The following CNTN4 variants were observed in gnomAD, a reference collection of about 807,000 sequenced individuals.
CNTN4 encodes the protein contactin-4.
A neutral mutation model predicts 122.5 loss-of-function variants in CNTN4; 77 were observed. That is an observed-to-expected ratio of 0.63 (90% CI 0.52 to 0.76). The LOEUF is 0.76. Ranked by LOEUF, CNTN4 falls within the 30% of genes least tolerant of loss-of-function variation. The pLI is 0.00. For missense variants in CNTN4, 1,256 were observed against 1,259.1 expected (o/e 1.00, Z 0.04); for synonymous variants, 512 against 447.0 (o/e 1.15, Z -1.83).
chr3:2,604,674 T>G (rs2081185598), intron 4 of CNTN4, among the ~76,000 whole-genome samples: 1 of 152,208 alleles, frequency 6.6e-6, no homozygotes, highest in Admixed American at 6.5e-5. Flanking sequence ...TTTTTTAAAC[T>G]ACTTTATTGA....
chr3:2,769,109 G>A (rs924209370), intron 6 of CNTN4, among the ~76,000 whole-genome samples: 5 of 152,082 alleles, frequency 3.3e-5, no homozygotes, highest in African/African-American at 1.2e-4. Context: ...TTCAAATGCT[G>A]GTTCCCAAAA....
chr3:2,741,228 G>A (rs1249335820), intron 5 of CNTN4, among the ~76,000 whole-genome samples: 1 of 152,208 alleles, frequency 6.6e-6, no homozygotes, highest in African/African-American at 2.4e-5. Flanking sequence ...CGTAGTTGGA[G>A]TAGAATGATG....
At chr3:2,591,231 T>G (rs894987823) in intron 4 of CNTN4, among the ~76,000 whole-genome samples, 1 of 152,178 alleles carries the variant, frequency 6.6e-6, no homozygotes, top group African/African-American at 2.4e-5. Context: ...GTTCAATAAA[T>G]TTTTGAATAT....
intron 4 of CNTN4, among the ~76,000 whole-genome samples, chr3:2,673,862 C>G (rs889716936): frequency 1.3e-5 from 2 of 152,086 alleles, no homozygotes; most frequent in African/African-American, 4.8e-5. Context: ...TTTTAAGAGG[C>G]CTTGCAGCTT....
intron 13 of CNTN4, among the ~76,000 whole-genome samples, chr3:2,943,180 T>A (rs923547526): frequency 2.1e-5 from 3 of 145,212 alleles, no homozygotes; most frequent in Non-Finnish European, 3.0e-5. Context: ...AGCAGGAGAA[T>A]CATTTAGCTC....
chr3:2,958,835 G>T (rs1045273531), intron 13 of CNTN4, among the ~76,000 whole-genome samples: 2 of 152,116 alleles, frequency 1.3e-5, no homozygotes, highest in African/African-American at 4.8e-5. Flanking sequence ...GGGAACTAAT[G>T]CTCAACCTAG....
chr3:2,998,162 T>C (rs1695697801), intron 14 of CNTN4, among the ~76,000 whole-genome samples: 1 of 152,182 alleles, frequency 6.6e-6, no homozygotes, highest in South Asian at 2.1e-4. Flanking sequence ...ACCTGGTCAC[T>C]GTGCAATTTG....
At chr3:2,679,249 A>T (rs2085037245) in intron 4 of CNTN4, among the ~76,000 whole-genome samples, 3 of 152,132 alleles carry the variant, frequency 2.0e-5, no homozygotes, top group Admixed American at 6.6e-5. Context: ...ATCATTGGAG[A>T]TATTGCCTTT....
chr3:2,300,728 T>C (rs1248788486), intron 2 of CNTN4, among the ~76,000 whole-genome samples: 1 of 151,702 alleles, frequency 6.6e-6, no homozygotes, highest in Admixed American at 6.6e-5. Flanking sequence ...CGCGCCACCA[T>C]GCCATCTAAT....
chr3:2,201,726 T>C (rs951015982), intron 2 of CNTN4, among the ~76,000 whole-genome samples: 3 of 152,172 alleles, frequency 2.0e-5, no homozygotes, highest in Admixed American at 2.0e-4. Context: ...TCAGCTGGCA[T>C]GCGCTGCTGG....
chr3:2,209,641 C>G (rs187072446), intron 2 of CNTN4, among the ~76,000 whole-genome samples: 65 of 152,032 alleles, frequency 4.3e-4, no homozygotes, highest in Non-Finnish European at 7.4e-4. Flanking sequence ...AAAAGGCTAG[C>G]TGGGGAGATG....
chr3:2,739,404 C>T (rs1344128779), intron 5 of CNTN4, among the ~76,000 whole-genome samples: 2 of 151,808 alleles, frequency 1.3e-5, no homozygotes, highest in African/African-American at 4.8e-5. Flanking sequence ...CACAAATACA[C>T]ATAACCTGGT....
At chr3:2,851,531 T>A (rs778728577) in intron 7 of CNTN4, among the ~76,000 whole-genome samples, 1 of 152,236 alleles carries the variant, frequency 6.6e-6, no homozygotes, top group Non-Finnish European at 1.5e-5. Flanking sequence ...TAGGAAGGAC[T>A]CTGTAGTGGA....
intron 2 of CNTN4, among the ~76,000 whole-genome samples, chr3:2,150,881 A>C (rs2035465659): frequency 6.6e-6 from 1 of 152,136 alleles, no homozygotes; most frequent in Non-Finnish European, 1.5e-5. Flanking sequence ...ACACATTAAG[A>C]GGACAAAATT....
chr3:2,902,305 CG>C (rs1303801520), intron 11 of CNTN4, among the ~76,000 whole-genome samples: 1 of 151,922 alleles, frequency 6.6e-6, no homozygotes, highest in African/African-American at 2.4e-5. Flanking sequence ...TCAGATTGGC[CG>C]CCACCAGATG....
chr3:2,670,107 T>A (rs2084415661), intron 4 of CNTN4, among the ~76,000 whole-genome samples: 2 of 152,222 alleles, frequency 1.3e-5, no homozygotes, highest in African/African-American at 2.4e-5. Flanking sequence ...GTCTATTAGG[T>A]CTGCTTGGTG....
intron 15 of CNTN4, among the ~76,000 whole-genome samples, chr3:3,030,002 C>G (rs1699030810): frequency 6.6e-6 from 1 of 152,124 alleles, no homozygotes; most frequent in Non-Finnish European, 1.5e-5. Context: ...TCTTGTCATC[C>G]ATTACGGGTT....
At chr3:2,457,464 T>A (rs116838426) in intron 3 of CNTN4, among the ~76,000 whole-genome samples, 1,627 of 152,240 alleles carry the variant, frequency 0.011, 25 homozygotes, top group African/African-American at 0.037. Context: ...ATATACAGGG[T>A]TAAAAATCCA....
At chr3:2,108,612 C>T (rs754345318) in intron 2 of CNTN4, among the ~76,000 whole-genome samples, 5 of 152,124 alleles carry the variant, frequency 3.3e-5, no homozygotes, top group African/African-American at 4.8e-5. Context: ...ATCCTAGATC[C>T]ATTTTGTACT....
Sources: allele counts gnomAD v4.1 joint callset (sites outside exome capture counted in the v4.1 genomes callset), GRCh38; gene constraint gnomAD v4.1.1; transcripts MANE v1.5; gene names NCBI Gene and HGNC (gene_info 2026-07-23, HGNC 2026-07-21).